The following PVT1 variants were observed in gnomAD, a reference collection of about 807,000 sequenced individuals.
PVT1 encodes the protein Pvt1 oncogene.
intron 3 of PVT1, among the ~76,000 whole-genome samples, chr8:127,949,014 C>T (rs951353025): frequency 5.3e-5 from 8 of 152,242 alleles, no homozygotes; most frequent in African/African-American, 1.7e-4. Context: ...CACTGCGAGC[C>T]AGGGCCTGTT....
chr8:128,001,949 C>T (rs1044766772), intron 4 of PVT1, among the ~76,000 whole-genome samples: 2 of 152,196 alleles, frequency 1.3e-5, no homozygotes, highest in Admixed American at 1.3e-4. Flanking sequence ...AATCCCATCA[C>T]CTTGAGGGTT....
intron 2 of PVT1, among the ~76,000 whole-genome samples, chr8:127,861,768 G>T (rs988242608): frequency 6.6e-6 from 1 of 152,176 alleles, no homozygotes. Flanking sequence ...AGTTGTCAAA[G>T]CCCCTCGCTA....
intron 5 of PVT1, among the ~76,000 whole-genome samples, chr8:128,073,179 A>C (rs2130138827): frequency 6.6e-6 from 1 of 152,214 alleles, no homozygotes; most frequent in East Asian, 1.9e-4. Flanking sequence ...TCTGAGGGGC[A>C]GCATGTTCTG....
At chr8:127,937,548 G>GACACACACAC (rs35147410) in intron 3 of PVT1, among the ~76,000 whole-genome samples, 58 of 122,700 alleles carry the variant, frequency 4.7e-4, no homozygotes, top group African/African-American at 1.9e-3. Context: ...TAGGGAAAAA[G>GACACACACAC]ACACACACAC....
chr8:127,888,706 A>T (rs773185724), intron 2 of PVT1, among the ~76,000 whole-genome samples: 17 of 152,196 alleles, frequency 1.1e-4, no homozygotes, highest in Non-Finnish European at 2.5e-4. Context: ...TGGAGGAAGA[A>T]GCCACAGCCA....
chr8:127,918,753 C>T (rs946772236), intron 3 of PVT1, among the ~76,000 whole-genome samples: 4 of 152,188 alleles, frequency 2.6e-5, no homozygotes, highest in African/African-American at 9.7e-5. Context: ...GTTGTGCAAC[C>T]TTTCTGATAT....
chr8:128,042,391 T>G (rs1813556252), intron 4 of PVT1, among the ~76,000 whole-genome samples: 1 of 152,254 alleles, frequency 6.6e-6, no homozygotes, highest in Non-Finnish European at 1.5e-5. Context: ...GTCCTCCTGA[T>G]GACCAGGCCT....
At chr8:128,043,637 G>A (rs1320031848) in intron 4 of PVT1, among the ~76,000 whole-genome samples, 1 of 151,996 alleles carries the variant, frequency 6.6e-6, no homozygotes, top group African/African-American at 2.4e-5. Flanking sequence ...TCAGAGCTGG[G>A]GGAAATCAAG....
At chr8:128,098,677 A>G (rs1382142031) in intron 6 of PVT1, among the ~76,000 whole-genome samples, 1 of 152,158 alleles carries the variant, frequency 6.6e-6, no homozygotes, top group Non-Finnish European at 1.5e-5. Context: ...GGTTCCTGGC[A>G]CTTTGTAAGC....
At chr8:127,934,425 TCCTC>T (rs963042232) in intron 3 of PVT1, among the ~76,000 whole-genome samples, 8 of 152,090 alleles carry the variant, frequency 5.3e-5, no homozygotes, top group African/African-American at 1.9e-4. Context: ...CTGGGTGTCT[TCCTC>T]CCCAGGATGG....
At chr8:127,985,102 C>T (rs1208159325) in intron 3 of PVT1, among the ~76,000 whole-genome samples, 1 of 149,332 alleles carries the variant, frequency 6.7e-6, no homozygotes, top group African/African-American at 2.5e-5. Flanking sequence ...GGCGTGATCT[C>T]GGCTCACTGT....
At chr8:127,989,528 G>A (rs1013033083) in intron 4 of PVT1, among the ~76,000 whole-genome samples, 7 of 152,126 alleles carry the variant, frequency 4.6e-5, no homozygotes, top group African/African-American at 1.7e-4. Context: ...GGAGGGAGGA[G>A]CCCACCATCT....
chr8:127,908,873 G>A (rs1185633781), intron 3 of PVT1, among the ~76,000 whole-genome samples: 1 of 152,092 alleles, frequency 6.6e-6, no homozygotes, highest in African/African-American at 2.4e-5. Flanking sequence ...AAGAGGTACG[G>A]TCACCCTCCG....
At chr8:128,030,246 A>G (rs1162606423) in intron 4 of PVT1, among the ~76,000 whole-genome samples, 1 of 152,262 alleles carries the variant, frequency 6.6e-6, no homozygotes. Flanking sequence ...AATAGTTTAT[A>G]TGGACATAAC....
At chr8:127,834,138 C>G (rs181257888) in intron 2 of PVT1, among the ~76,000 whole-genome samples, 7 of 152,260 alleles carry the variant, frequency 4.6e-5, no homozygotes, top group African/African-American at 1.4e-4. Context: ...GCAGAGTTCA[C>G]TGAGTCTGCT....
At chr8:127,797,130 G>C (rs529816749) in intron 2 of PVT1, among the ~76,000 whole-genome samples, 93 of 151,914 alleles carry the variant, frequency 6.1e-4, no homozygotes, top group African/African-American at 2.1e-3. Flanking sequence ...CGCCCGCCTT[G>C]GCCTCCCAAA....
chr8:127,863,192 A>G (rs1249346408), intron 2 of PVT1, among the ~76,000 whole-genome samples: 1 of 151,054 alleles, frequency 6.6e-6, no homozygotes, highest in Non-Finnish European at 1.5e-5. Context: ...GCTCACTGCA[A>G]CCTCCGCCTC....
intron 3 of PVT1, among the ~76,000 whole-genome samples, chr8:127,921,873 T>TTTTTTTTTTTTTTTTTTTTTTTTA (rs1816064685): frequency 7.4e-6 from 1 of 134,366 alleles, no homozygotes; most frequent in Non-Finnish European, 1.6e-5. Flanking sequence ...TTTTTTTTTT[T>TTTTTTTTTTTTTTTTTTTTTTTTA]TTTTTGAGGC....
intron 3 of PVT1, among the ~76,000 whole-genome samples, chr8:127,976,530 C>T (rs1158591886): frequency 6.6e-6 from 1 of 152,144 alleles, no homozygotes; most frequent in Non-Finnish European, 1.5e-5. Context: ...CCCCAGAAGT[C>T]ACTCAGGAGG....
Sources: allele counts gnomAD v4.1 joint callset (sites outside exome capture counted in the v4.1 genomes callset), GRCh38; gene constraint gnomAD v4.1.1; transcripts MANE v1.5; gene names NCBI Gene and HGNC (gene_info 2026-07-23, HGNC 2026-07-21).